Variants in CRYBG1 observed in about 807,000 individuals in gnomAD.
CRYBG1 encodes the protein crystallin beta-gamma domain containing 1, also known as beta/gamma crystallin domain-containing protein 1.
In CRYBG1, 139 loss-of-function variants were observed where a neutral mutation model predicts 189.2. The ratio of observed to expected loss-of-function variants is 0.73; its 90% confidence interval spans 0.64 to 0.85. The LOEUF (loss-of-function observed/expected upper bound fraction) is 0.85. CRYBG1 is among the 40% of genes least tolerant of loss of function. CRYBG1 has a pLI of 0.00. For synonymous variants in CRYBG1, 1,023 were observed against 1,017.1 expected (o/e 1.01, Z -0.11); for missense variants, 2,611 against 2,675.8 (o/e 0.98, Z 0.53).
chr6:106,566,464 C>CTTTTTTTTTTTTTT lies in CRYBG1; in HGVS notation c.6302-1996_6302-1983dup, dbSNP rs34773477. Reference sequence around the variant, plus strand: ...TATCTAGCACGGTAGCAACAACAGTCTTTTTTTTTTTTTTTTTTTTTTTTT... The same window carrying CTTTTTTTTTTTTTT: ...TATCTAGCACGGTAGCAACAACAGTCTTTTTTTTTTTTTTTTTTTTTTTTTTTTTTTTTTTTTTT... On this transcript the variant is annotated intron_variant, in intron 21 of 21. Coordinates refer to ENST00000633556, the MANE Select transcript of CRYBG1 (RefSeq NM_001371242.2). Among the ~76,000 whole-genome samples, 60 of 71,670 alleles carry CTTTTTTTTTTTTTT rather than the reference C, an allele frequency of 8.4e-4. 10 individuals are homozygous for CTTTTTTTTTTTTTT. Among genetic ancestry groups the CTTTTTTTTTTTTTT allele is most frequent in the African/African-American group, 1.1e-3 (18 of 15,946 alleles). The allele number at this position is 71,670 out of a possible 152,430, so 47.0% of individuals were successfully genotyped here. A position where few individuals can be genotyped will look rare whatever the true frequency, so the allele number is the denominator to read the frequency against.
At chr6:106,530,537 G>GA (rs1397022717) in intron 8 of CRYBG1, among the ~76,000 whole-genome samples, 3 of 142,538 alleles carry the variant, frequency 2.1e-5, no homozygotes, top group Non-Finnish European at 4.7e-5. Context: ...GGAAATGGGG[G>GA]GGGATTGAAT....
At chr6:106,561,074 A>G (rs1774703812) in intron 19 of CRYBG1, 148 bp downstream of exon 19, 2 of 998,188 alleles carry the variant, frequency 2.0e-6, no homozygotes, top group East Asian at 2.6e-5. Flanking sequence ...ATCTGGGCTC[A>G]GTTTCTGGTG....
At position 106,519,573 on chromosome 6, in the gene CRYBG1, G is replaced by A; in HGVS notation, c.2365G>A (p.Val789Ile). The A allele has an allele frequency of 6.2e-7, 1 of 1,614,212 alleles. No individual in the cohort carries two copies. The highest frequency in any genetic ancestry group is 8.5e-7 in the Non-Finnish European group (1 of 1,180,036). The change falls in exon 4 of 22, where the codon GTA becomes ATA. Residue 789 changes from valine to isoleucine, a missense_variant. Transcript: ENST00000633556. ...PQPNQDDKAD[V>I]QTDAGCLSEP... is the part of the protein sequence containing the mutation. ...GCCTAACCAAGATGATAAAGCAGAT[G>A]TACAAACAGATGCTGGCTGCCTTTC...
At chr6:106,370,603 T>A (rs1770004407) in intron 1 of CRYBG1, among the ~76,000 whole-genome samples, 1 of 152,164 alleles carries the variant, frequency 6.6e-6, no homozygotes, top group African/African-American at 2.4e-5. Context: ...TGATACTTTA[T>A]CCCACTTGAG....
chr6:106,509,022 T>C (rs1773190254), intron 2 of CRYBG1, among the ~76,000 whole-genome samples: 2 of 152,152 alleles, frequency 1.3e-5, no homozygotes. Context: ...GCAACATCAT[T>C]GGCAGGACAG....
intron 20 of CRYBG1, among the ~76,000 whole-genome samples, chr6:106,563,276 G>C (rs760700637): frequency 2.0e-5 from 3 of 152,134 alleles, no homozygotes; most frequent in Non-Finnish European, 4.4e-5. Flanking sequence ...TTCTCATGAA[G>C]GAAAGACAAA....
At position 106,521,037 on chromosome 6, in the gene CRYBG1, T is replaced by C; in HGVS notation, c.3829T>C (p.Ser1277Pro). Residue 1277 changes from serine to proline, a missense_variant, in exon 4 of 22, where the codon TCC (serine) becomes CCC (proline). Ser to Pro is a moderately conservative substitution (Grantham distance 74). Around this residue, in one of 3 missense-constraint regions of CRYBG1, gnomAD observed 1,622 missense variants for 1,735.0 expected, o/e 0.93. Transcript: ENST00000633556. ...GGCTTTCAGTACTTCTCAGAACGGTTCCCTATCTCAGTCTTCAGTGTCACA... is the reference window on the plus strand; with the variant it reads ...GGCTTTCAGTACTTCTCAGAACGGTCCCCTATCTCAGTCTTCAGTGTCACA... ...TTAFSTSQNG[S>P]LSQSSVSQPT... The C allele has an allele frequency of 1.9e-6, 3 of 1,614,202 alleles. No individual in the cohort carries two copies. In the South Asian group the frequency reaches 3.3e-5, roughly 18 times the overall value.
intron 1 of CRYBG1, among the ~76,000 whole-genome samples, chr6:106,383,925 G>A (rs1770334531): frequency 6.6e-6 from 1 of 152,194 alleles, no homozygotes; most frequent in Admixed American, 6.5e-5. Flanking sequence ...TCTCAACCCT[G>A]TGTGTGGCCA....
intron 1 of CRYBG1, among the ~76,000 whole-genome samples, chr6:106,389,144 G>A (rs918675663): frequency 1.3e-5 from 2 of 151,816 alleles, no homozygotes; most frequent in African/African-American, 4.8e-5. Flanking sequence ...TTATCATTTT[G>A]TAAATCTTTT....
chr6:106,405,573 C>T (rs1770805634), intron 1 of CRYBG1, among the ~76,000 whole-genome samples: 2 of 152,246 alleles, frequency 1.3e-5, no homozygotes, highest in Admixed American at 1.3e-4. Flanking sequence ...TCCCTGACCC[C>T]CGTGCCTCCT....
intron 3 of CRYBG1, among the ~76,000 whole-genome samples, chr6:106,516,610 C>T (rs928414435): frequency 1.3e-5 from 2 of 152,214 alleles, no homozygotes; most frequent in African/African-American, 4.8e-5. Context: ...TGTGTGTTCT[C>T]ATTATCAAAG....
chr6:106,512,250 T>A lies in CRYBG1; in HGVS notation c.1133T>A (p.Leu378Ter), dbSNP rs184750193. ...GCCCACCCTGCTAAGGTGCTAACTT[T>A]GGACATCTACTTGAGTAAGACTGAG... is the stretch of plus-strand genomic sequence containing the variant. ...GHAHPAKVLTLDIYLSKTEGA... is the reference protein window; with the variant it reads ...GHAHPAKVLT The change falls in exon 3 of 22, where the codon TTG becomes TAG. Residue 378 changes from leucine (L) to a stop codon, truncating the protein, a stop_gained. Coordinates refer to ENST00000633556, the MANE Select transcript of CRYBG1 (RefSeq NM_001371242.2). LOFTEE classifies it high-confidence loss of function. 6.5e-7 allele frequency: 1 copy of A among 1,548,718 alleles called. No homozygotes were observed. Among genetic ancestry groups the A allele is most frequent in the African/African-American group, 1.4e-5 (1 of 73,936 alleles).
intron 13 of CRYBG1, among the ~76,000 whole-genome samples, chr6:106,549,240 C>T (rs539677733): frequency 6.6e-6 from 1 of 152,272 alleles, no homozygotes; most frequent in African/African-American, 2.4e-5. Context: ...GCCTGAGGCC[C>T]TGTGGGCAGA....
chr6:106,410,974 C>T (rs1770918729), intron 1 of CRYBG1, among the ~76,000 whole-genome samples: 1 of 152,100 alleles, frequency 6.6e-6, no homozygotes, highest in Non-Finnish European at 1.5e-5. Context: ...AACAAACCTG[C>T]ACGTTCTGCA....
At chr6:106,507,784 T>C (rs1773163063) in intron 2 of CRYBG1, among the ~76,000 whole-genome samples, 1 of 152,306 alleles carries the variant, frequency 6.6e-6, no homozygotes, top group South Asian at 2.1e-4. Context: ...CTCAAAGATG[T>C]GACTGAGGAC....
intron 4 of CRYBG1, among the ~76,000 whole-genome samples, chr6:106,523,963 C>T (rs1773670561): frequency 6.6e-6 from 1 of 152,190 alleles, no homozygotes. Context: ...AACTCCTGAC[C>T]TCAGGTGATC....
chr6:106,524,180 T>A (rs1773675775), intron 4 of CRYBG1, among the ~76,000 whole-genome samples: 1 of 152,240 alleles, frequency 6.6e-6, no homozygotes, highest in South Asian at 2.1e-4. Context: ...TTTTATTATC[T>A]TATGCATTTC....
intron 1 of CRYBG1, among the ~76,000 whole-genome samples, chr6:106,390,971 T>C (rs762292059): frequency 2.6e-5 from 4 of 152,228 alleles, no homozygotes; most frequent in Non-Finnish European, 5.9e-5. Context: ...GGGGCAAACA[T>C]ATGCTTCATT....
intron 1 of CRYBG1, among the ~76,000 whole-genome samples, chr6:106,398,939 G>A (rs11962573): frequency 0.019 from 2,828 of 152,244 alleles, 66 homozygotes; most frequent in African/African-American, 0.059. Flanking sequence ...AAGATTTGTC[G>A]AGTAAATAAA....
Sources: allele counts gnomAD v4.1 joint callset (sites outside exome capture counted in the v4.1 genomes callset), GRCh38; gene constraint gnomAD v4.1.1; regional missense constraint gnomAD v4.1.1; transcripts MANE v1.5; gene names NCBI Gene and HGNC (gene_info 2026-07-23, HGNC 2026-07-21).